MNDA: variants seen among roughly 807,000 people sequenced by gnomAD.
The protein encoded by MNDA is epididymis secretory sperm binding protein.
In MNDA, 43 loss-of-function variants were observed where a neutral mutation model predicts 37.8. That is an observed-to-expected ratio of 1.14 (90% CI 0.89 to 1.47). The LOEUF (loss-of-function observed/expected upper bound fraction) is 1.47, where lower values mean the gene tolerates loss of function less well. Among genes scored for constraint, MNDA ranks in the 40% most tolerant of loss-of-function variants. The pLI is 0.00. For synonymous variants in MNDA, 181 were observed against 169.0 expected (o/e 1.07, Z -0.55); for missense variants, 536 against 476.0 (o/e 1.13, Z -1.17).
chr1:158,844,132 T>C lies in MNDA; in HGVS notation c.570+10T>C. On this transcript the variant is annotated intron_variant, in intron 4 of 6. Coordinates refer to ENST00000368141, the MANE Select transcript of MNDA (RefSeq NM_002432.3). Reference sequence around the variant, plus strand: ...CACTTCGTTTACTCCGGTACACTCTTCCTGGTCCTCTTCTCCATTTTTTTT... The same window carrying C: ...CACTTCGTTTACTCCGGTACACTCTCCCTGGTCCTCTTCTCCATTTTTTTT... The C allele has an allele frequency of 6.5e-7, 1 of 1,539,480 alleles. No individual in the cohort carries two copies. Among genetic ancestry groups the C allele is most frequent in the Admixed American group, 2.1e-5 (1 of 46,908 alleles).
At chr1:158,839,437 G>A (rs1424086226) in intron 1 of MNDA, among the ~76,000 whole-genome samples, 3 of 151,956 alleles carry the variant, frequency 2.0e-5, no homozygotes, top group Admixed American at 2.0e-4. Flanking sequence ...TTGCCTTCTG[G>A]CACCCAGGGA....
chr1:158,834,472 T>C (rs1658870171), intron 1 of MNDA, among the ~76,000 whole-genome samples: 1 of 152,044 alleles, frequency 6.6e-6, no homozygotes, highest in Admixed American at 6.6e-5. Context: ...GATTCTGTTG[T>C]TGTTGGAGTT....
intron 1 of MNDA, among the ~76,000 whole-genome samples, chr1:158,832,897 A>T (rs555439725): frequency 6.6e-6 from 1 of 152,106 alleles, no homozygotes; most frequent in African/African-American, 2.4e-5. Flanking sequence ...TGCAAATTCT[A>T]TAAAGGTATA....
chr1:158,847,831 G>C lies in MNDA; in HGVS notation c.1091G>C (p.Gly364Ala), dbSNP rs575016801. The change falls in exon 6 of 7, where the codon GGA (glycine) becomes GCA (alanine). Residue 364 changes from glycine (G) to alanine (A), a missense_variant. Transcript: ENST00000368141. ...TGGCACAATATCAAGTGTGAGAAAG[G>C]AGATAAACTTCGACTCTTCTGCCTT... ...GKWHNIKCEK[G>A]DKLRLFCLQL... 63 of 1,614,106 alleles carry C rather than the reference G, an allele frequency of 3.9e-5. No homozygotes were observed. The South Asian group carries it at 6.6e-4, about 17-fold the overall frequency.
chr1:158,834,336 C>T (rs1436059098), intron 1 of MNDA, among the ~76,000 whole-genome samples: 3 of 151,372 alleles, frequency 2.0e-5, no homozygotes, highest in African/African-American at 7.3e-5. Flanking sequence ...GGGTTCACGC[C>T]ATTCTCCTGC....
chr1:158,838,177 A>AG (rs1263748680), intron 1 of MNDA, among the ~76,000 whole-genome samples: 2 of 151,996 alleles, frequency 1.3e-5, no homozygotes, highest in African/African-American at 4.8e-5. Flanking sequence ...CCTTTCATCA[A>AG]GAACTTACAT....
At chr1:158,847,660 G>A in intron 5 of MNDA, 68 bp from the exon 6 acceptor site, 1 of 1,458,830 alleles carries the variant, frequency 6.9e-7, no homozygotes, top group East Asian at 2.3e-5. Flanking sequence ...ACTTTGTCAT[G>A]AGACTCTTTC....
In MNDA at chr1:158,844,043, C is replaced by A; in HGVS notation, c.491C>A (p.Ala164Asp). 1 of 1,613,820 alleles carries A rather than the reference C, an allele frequency of 6.2e-7. No individual in the cohort carries two copies. The highest frequency in any genetic ancestry group is 1.1e-5 in the South Asian group (1 of 91,060). Residue 164 changes from alanine (A) to aspartate (D), a missense_variant, in exon 4 of 7, where the codon GCC (alanine) becomes GAC (aspartate). Physicochemically the swap from Ala to Asp is moderately radical, Grantham distance 126. Transcript: ENST00000368141. ...AGTAAGCCCCCAGGTCCCTCAGGAG[C>A]CAGCACATCTGCAGCTGTGGATCAT... ...EQSKPPGPSG[A>D]STSAAVDHPP...
In MNDA at chr1:158,845,643, C is replaced by T. The variant is rs2102051776; in HGVS notation, c.627C>T (p.Asn209=). 1.9e-6 allele frequency: 3 copies of T among 1,613,890 alleles called. No homozygotes were observed. Among genetic ancestry groups the T allele is most frequent in the Non-Finnish European group, 2.5e-6 (3 of 1,179,900 alleles). ...QVDARRNVPQ[N]DPVTVVVLKA... ...ATGCAAGAAGAAATGTTCCCCAAAA[C>T]GACCCAGTGACAGTGGTGGTACTGA... Residue 209 remains asparagine (N), a synonymous_variant, in exon 5 of 7, where the codon AAC becomes AAT. Transcript: ENST00000368141.
At chr1:158,838,575 T>G (rs138853523) in intron 1 of MNDA, among the ~76,000 whole-genome samples, 1 of 152,216 alleles carries the variant, frequency 6.6e-6, no homozygotes, top group African/African-American at 2.4e-5. Context: ...TTTCTTTGAG[T>G]TTATCATAGT....
At chr1:158,833,742 C>A (rs976249711) in intron 1 of MNDA, among the ~76,000 whole-genome samples, 1 of 152,044 alleles carries the variant, frequency 6.6e-6, no homozygotes, top group Non-Finnish European at 1.5e-5. Context: ...TCTTTTTATT[C>A]ATTCATCCAT....
chr1:158,847,839 C>T lies in MNDA; in HGVS notation c.1099C>T (p.Leu367Phe), dbSNP rs1325214237. ...TATCAAGTGTGAGAAAGGAGATAAA[C>T]TTCGACTCTTCTGCCTTCAACTGAG... is the stretch of plus-strand genomic sequence containing the variant. Reference protein sequence around the residue: ...HNIKCEKGDKLRLFCLQLRTV... With the variant: ...HNIKCEKGDKFRLFCLQLRTV... Residue 367 changes from leucine to phenylalanine, a missense_variant, in exon 6 of 7, where the codon CTT becomes TTT. Physicochemically the swap from Leu to Phe is conservative, Grantham distance 22. Transcript: ENST00000368141. 1.2e-6 allele frequency: 2 copies of T among 1,614,062 alleles called. No homozygotes were observed. The highest frequency in any genetic ancestry group is 1.1e-5 in the South Asian group (1 of 91,086).
intron 1 of MNDA, among the ~76,000 whole-genome samples, chr1:158,835,180 A>G (rs1052180138): frequency 6.6e-6 from 1 of 152,222 alleles, no homozygotes; most frequent in Non-Finnish European, 1.5e-5. Context: ...TACAGATTAC[A>G]TTGCAAATTG....
chr1:158,834,685 A>G (rs2102044526), intron 1 of MNDA, among the ~76,000 whole-genome samples: 1 of 152,312 alleles, frequency 6.6e-6, no homozygotes, highest in East Asian at 1.9e-4. Context: ...GTCATGTCCA[A>G]GAAACCCATT....
chr1:158,842,851 C>A, intron 2 of MNDA: 1 of 175,862 alleles, frequency 5.7e-6, no homozygotes, highest in Non-Finnish European at 1.2e-5. Flanking sequence ...CCAATATTAG[C>A]ACTTTGCCAC....
In MNDA at chr1:158,849,260, A is replaced by C. The variant is rs532989730; in HGVS notation, c.*23A>C. The C allele has an allele frequency of 6.2e-7, 1 of 1,603,318 alleles. No homozygotes were observed. Among genetic ancestry groups the C allele is most frequent in the African/African-American group, 1.3e-5 (1 of 74,658 alleles). ...TGAAATATGAAAGCTGAAATGCAAC[A>C]AACAACTTCCGCTTAAAACAATTAA... On this transcript the variant is annotated 3_prime_UTR_variant, in exon 7 of 7. Coordinates refer to ENST00000368141, the MANE Select transcript of MNDA (RefSeq NM_002432.3).
At chr1:158,835,758 T>A (rs181896954) in intron 1 of MNDA, among the ~76,000 whole-genome samples, 1 of 152,096 alleles carries the variant, frequency 6.6e-6, no homozygotes, top group Admixed American at 6.5e-5. Flanking sequence ...TTAGCTATGG[T>A]GTTTTCGTAT....
intron 1 of MNDA, among the ~76,000 whole-genome samples, chr1:158,838,489 T>C (rs969054696): frequency 2.6e-5 from 4 of 152,094 alleles, no homozygotes; most frequent in African/African-American, 9.7e-5. Context: ...GAGTTGCCTT[T>C]TTCTTGCGCT....
chr1:158,848,059 C>G (rs550288351), intron 6 of MNDA, 143 bp downstream of exon 6: 1 of 728,844 alleles, frequency 1.4e-6, no homozygotes, highest in East Asian at 2.6e-5. Flanking sequence ...GCATTTGTAA[C>G]TGGAAGATTT....
Sources: allele counts gnomAD v4.1 joint callset (sites outside exome capture counted in the v4.1 genomes callset), GRCh38; gene constraint gnomAD v4.1.1; transcripts MANE v1.5; gene names NCBI Gene and HGNC (gene_info 2026-07-23, HGNC 2026-07-21).